Variants in PCSK2 observed in about 807,000 individuals in gnomAD.
PCSK2 encodes the protein proprotein convertase subtilisin/kexin type 2, also known as neuroendocrine convertase 2.
Under a neutral mutation model 69.7 loss-of-function variants are expected in PCSK2, and 14 were observed. The ratio of observed to expected loss-of-function variants is 0.20; its 90% CI spans 0.13 to 0.31. The LOEUF (loss-of-function observed/expected upper bound fraction) is 0.31. Ranked by LOEUF, PCSK2 falls within the 10% of genes least tolerant of loss-of-function variation. The probability of loss-of-function intolerance (pLI) is 1.00; values close to 1 mark genes in which losing one functional copy is unlikely to be tolerated. For synonymous variants in PCSK2, 307 were observed against 320.7 expected, an observed-to-expected ratio of 0.96 and a Z score of 0.46; for missense variants, 544 against 842.5, an observed-to-expected ratio of 0.65 and a Z score of 4.39.
intron 6 of PCSK2, among the ~76,000 whole-genome samples, chr20:17,424,138 C>A (rs1030068308): frequency 4.6e-5 from 7 of 152,074 alleles, no homozygotes; most frequent in African/African-American, 1.4e-4. Context: ...AAATTGCAAA[C>A]AAATTAAATA....
At chr20:17,442,119 C>T (rs2032610883) in intron 8 of PCSK2, among the ~76,000 whole-genome samples, 2 of 151,678 alleles carry the variant, frequency 1.3e-5, no homozygotes, top group Admixed American at 6.6e-5. Context: ...CATCTACAAG[C>T]CCAGGAGAGC....
At chr20:17,467,094 C>T (rs745988951) in intron 11 of PCSK2, among the ~76,000 whole-genome samples, 1 of 152,232 alleles carries the variant, frequency 6.6e-6, no homozygotes, top group Non-Finnish European at 1.5e-5. Flanking sequence ...CCCTCTCAGA[C>T]TTTATCCTCC....
At chr20:17,388,699 G>T (rs905673383) in intron 5 of PCSK2, among the ~76,000 whole-genome samples, 1 of 151,968 alleles carries the variant, frequency 6.6e-6, no homozygotes, top group East Asian at 1.9e-4. Context: ...TTAAAGCCTC[G>T]CTCCACCACC....
chr20:17,325,183 G>A (rs758053891), intron 2 of PCSK2, among the ~76,000 whole-genome samples: 10 of 152,092 alleles, frequency 6.6e-5, no homozygotes, highest in Non-Finnish European at 1.3e-4. Flanking sequence ...AGCTCCCTGT[G>A]GGTCCAGGCT....
intron 2 of PCSK2, among the ~76,000 whole-genome samples, chr20:17,322,099 A>G (rs1246256143): frequency 6.6e-6 from 1 of 151,768 alleles, no homozygotes; most frequent in Non-Finnish European, 1.5e-5. Flanking sequence ...AATCTTATCT[A>G]CTCTTCAAAG....
rs184868449 is a variant in PCSK2, at chr20:17,348,181, T to C, written c.283-10146T>C. Among the ~76,000 whole-genome samples the C allele has an allele frequency of 2.2e-4, 34 of 152,200 alleles. No individual in the cohort carries two copies. In the East Asian group the frequency reaches 6.4e-3, roughly 29 times the overall value. On this transcript the variant is annotated intron_variant, in intron 2 of 11. Transcript: ENST00000262545. ...TGTGGAGACATGCCCCTCATGCAGA[T>C]GGGGACTTGTGTTGCATTTAGGACA... is the stretch of plus-strand genomic sequence containing the variant.
intron 2 of PCSK2, among the ~76,000 whole-genome samples, chr20:17,314,153 A>G (rs1223271376): frequency 6.6e-6 from 1 of 152,092 alleles, no homozygotes; most frequent in African/African-American, 2.4e-5. Flanking sequence ...AATTTTAGCC[A>G]TTTAAACCCT....
intron 2 of PCSK2, among the ~76,000 whole-genome samples, chr20:17,301,795 G>A (rs142839670): frequency 6.6e-6 from 1 of 152,090 alleles, no homozygotes; most frequent in African/African-American, 2.4e-5. Context: ...ACCAGGCGTG[G>A]TGGTGCACAC....
intron 5 of PCSK2, among the ~76,000 whole-genome samples, chr20:17,382,887 G>C (rs112054103): frequency 1.9e-3 from 294 of 152,208 alleles, no homozygotes; most frequent in African/African-American, 6.9e-3. Context: ...CTAATTAAAG[G>C]CTTGGAAGAC....
chr20:17,338,171 T>TTTGG (rs199724801), intron 2 of PCSK2, among the ~76,000 whole-genome samples: 1 of 112,842 alleles, frequency 8.9e-6, no homozygotes. Flanking sequence ...ACATTTTTTT[T>TTTGG]GGGGGGGGGG....
chr20:17,260,400 C>A, intron 2 of PCSK2, 56 bp downstream of exon 2: 2 of 1,236,876 alleles, frequency 1.6e-6, no homozygotes, highest in Non-Finnish European at 2.4e-6. Flanking sequence ...CTGAGCCCAC[C>A]AAGGGGGTGT....
intron 6 of PCSK2, among the ~76,000 whole-genome samples, chr20:17,412,268 A>G (rs890450680): frequency 6.6e-6 from 1 of 152,340 alleles, no homozygotes; most frequent in Admixed American, 6.5e-5. Context: ...ATTGCAAGGA[A>G]GCTAAAAACC....
intron 11 of PCSK2, among the ~76,000 whole-genome samples, chr20:17,472,222 G>C (rs1181496812): frequency 6.6e-6 from 1 of 152,210 alleles, no homozygotes; most frequent in South Asian, 2.1e-4. Context: ...GCTCCTTTAA[G>C]GCTGTGCCAA....
intron 7 of PCSK2, 57 bp from the exon 8 acceptor site, chr20:17,436,651 T>G: frequency 6.7e-7 from 1 of 1,498,816 alleles, no homozygotes. Context: ...TCCACCTCCT[T>G]GTCTCCTGCG....
At chr20:17,293,121 G>A (rs956912061) in intron 2 of PCSK2, among the ~76,000 whole-genome samples, 3 of 152,046 alleles carry the variant, frequency 2.0e-5, no homozygotes, top group African/African-American at 7.2e-5. Flanking sequence ...CACCACACTC[G>A]GCCCTTATTA....
chr20:17,281,290 T>C (rs1479470380), intron 2 of PCSK2, among the ~76,000 whole-genome samples: 3 of 152,224 alleles, frequency 2.0e-5, no homozygotes, highest in Non-Finnish European at 2.9e-5. Flanking sequence ...TCAGCCTTCC[T>C]GGAACTCCCT....
chr20:17,416,913 A>C (rs1323229510), intron 6 of PCSK2, among the ~76,000 whole-genome samples: 7 of 152,222 alleles, frequency 4.6e-5, no homozygotes, highest in Non-Finnish European at 1.5e-5. Context: ...TCAGCACACC[A>C]TCACAAGGAC....
chr20:17,302,906 A>G lies in PCSK2; in HGVS notation c.282+42562A>G, dbSNP rs1013069653. 2.6e-5 allele frequency among the ~76,000 whole-genome samples: 4 copies of G among 152,216 alleles called. No homozygotes were observed. The South Asian group carries it at 8.3e-4, about 32-fold the overall frequency. On this transcript the variant is annotated intron_variant, in intron 2 of 11. Coordinates refer to ENST00000262545, the MANE Select transcript of PCSK2 (RefSeq NM_002594.5). ...CTCCCTTCCTTGTTTTTGAACATGG[A>G]GATATATTTAATATTACCCTTTTGT...
chr20:17,259,461 A>G (rs923368352), intron 1 of PCSK2, among the ~76,000 whole-genome samples: 8 of 152,200 alleles, frequency 5.3e-5, no homozygotes. Context: ...CTTGCCCACA[A>G]TCATACTGAT....
Sources: allele counts gnomAD v4.1 joint callset (sites outside exome capture counted in the v4.1 genomes callset), GRCh38; gene constraint gnomAD v4.1.1; transcripts MANE v1.5; gene names NCBI Gene and HGNC (gene_info 2026-07-23, HGNC 2026-07-21).